CPB2: variants seen among roughly 807,000 people sequenced by gnomAD.
The protein encoded by CPB2 is carboxypeptidase B2, also known as carboxypeptidase B-like protein.
CPB2 carries 54 observed loss-of-function variants against 57.0 expected under a neutral mutation model. The ratio of observed to expected loss-of-function variants is 0.95; its 90% confidence interval spans 0.76 to 1.19. The LOEUF is 1.19. Among genes scored for constraint, CPB2 ranks in the 50% most tolerant of loss-of-function variants. The pLI is 0.00. For synonymous variants in CPB2, 189 were observed against 178.1 expected (o/e 1.06, Z -0.49); for missense variants, 426 against 512.0 (o/e 0.83, Z 1.62).
intron 1 of CPB2, among the ~76,000 whole-genome samples, chr13:46,104,414 T>C (rs2045470121): frequency 6.6e-6 from 1 of 152,232 alleles, no homozygotes; most frequent in African/African-American, 2.4e-5. Context: ...CCTAAGGGAA[T>C]CTACTAAGCA....
chr13:46,101,287 C>G (rs767650301), intron 1 of CPB2: 4 of 152,098 alleles, frequency 2.6e-5, no homozygotes, highest in Non-Finnish European at 5.9e-5. Flanking sequence ...GAACTTCTTT[C>G]GTTTTTGAGG....
chr13:46,073,649 T>C (rs889563836), intron 6 of CPB2: 2 of 211,524 alleles, frequency 9.5e-6, no homozygotes, highest in Non-Finnish European at 1.6e-5. Flanking sequence ...GGCAGAAATG[T>C]AGAAAAGACC....
intron 9 of CPB2, among the ~76,000 whole-genome samples, chr13:46,057,263 C>T (rs2044709619): frequency 6.6e-6 from 1 of 151,904 alleles, no homozygotes; most frequent in South Asian, 2.1e-4. Context: ...AACAGTTTTC[C>T]CTTGAGAAGA....
intron 4 of CPB2, among the ~76,000 whole-genome samples, chr13:46,079,535 C>CAAAA (rs58164990): frequency 4.9e-4 from 54 of 110,922 alleles, no homozygotes; most frequent in Non-Finnish European, 6.1e-4. Flanking sequence ...AAGGAAAAAG[C>CAAAA]AAAAAAAAAA....
At chr13:46,104,231 G>A (rs1222863786) in intron 1 of CPB2, among the ~76,000 whole-genome samples, 1 of 152,126 alleles carries the variant, frequency 6.6e-6, no homozygotes, top group African/African-American at 2.4e-5. Context: ...AGCGATCATA[G>A]AACCAAAACA....
At chr13:46,080,817 A>G (rs2045101103) in intron 4 of CPB2, among the ~76,000 whole-genome samples, 1 of 151,974 alleles carries the variant, frequency 6.6e-6, no homozygotes, top group Admixed American at 6.6e-5. Flanking sequence ...CTAAAAATAC[A>G]AAAAATTAGC....
intron 2 of CPB2, among the ~76,000 whole-genome samples, chr13:46,087,284 G>A (rs911174051): frequency 7.9e-5 from 12 of 152,214 alleles, no homozygotes; most frequent in African/African-American, 2.9e-4. Flanking sequence ...CGTGCCTCCC[G>A]CATGGCAGCA....
chr13:46,084,481 C>A, intron 2 of CPB2, 138 bp from the exon 3 acceptor site: 1 of 775,864 alleles, frequency 1.3e-6, no homozygotes, highest in African/African-American at 1.8e-5. Flanking sequence ...CATCCACACA[C>A]ATGGTAATAT....
chr13:46,089,212 A>G (rs1239198515), intron 1 of CPB2, among the ~76,000 whole-genome samples: 1 of 151,708 alleles, frequency 6.6e-6, no homozygotes, highest in African/African-American at 2.4e-5. Context: ...TATTTTTCCC[A>G]GGGATCCACT....
At chr13:46,064,782 G>A (rs73482709) in intron 7 of CPB2, 41 bp from the exon 8 acceptor site, 15 of 1,512,458 alleles carry the variant, frequency 9.9e-6, no homozygotes, top group African/African-American at 5.5e-5. Context: ...GGGTAGCCAC[G>A]TTCAAGGCCT....
chr13:46,075,152 G>A (rs2045003069), intron 5 of CPB2, among the ~76,000 whole-genome samples: 1 of 152,194 alleles, frequency 6.6e-6, no homozygotes, highest in Non-Finnish European at 1.5e-5. Flanking sequence ...ATTGTCATTT[G>A]AACCACTCCA....
intron 8 of CPB2, among the ~76,000 whole-genome samples, chr13:46,061,588 A>C (rs1204211668): frequency 6.6e-6 from 1 of 152,222 alleles, no homozygotes; most frequent in Non-Finnish European, 1.5e-5. Context: ...GAGAGAAGGC[A>C]GCCATCTACA....
intron 2 of CPB2, among the ~76,000 whole-genome samples, chr13:46,084,950 T>A (rs1451212674): frequency 6.6e-6 from 1 of 151,786 alleles, no homozygotes; most frequent in African/African-American, 2.4e-5. Flanking sequence ...TCCCGAGTTC[T>A]CGCCATTCTC....
chr13:46,093,160 G>A (rs534449570), intron 1 of CPB2, among the ~76,000 whole-genome samples: 10 of 152,220 alleles, frequency 6.6e-5, no homozygotes, highest in South Asian at 4.1e-4. Flanking sequence ...CAATCCACCC[G>A]CCTCAGCCTC....
Position 46,058,184 on chromosome 13 carries a change from C to A in CPB2, c.994G>T (p.Glu332Ter). The change falls in exon 9 of 11, where the codon GAA (glutamate) becomes TAA (stop). Residue 332 changes from glutamate (E) to a stop codon, truncating the protein, a stop_gained. Coordinates refer to ENST00000181383, the MANE Select transcript of CPB2 (RefSeq NM_001872.5). LOFTEE classifies it high-confidence loss of function. ...AATAATTAAGTAGCACTTACCAGTT[C>A]CTCATGGTCTTTGCTTTTACTTCGT... ...YTRSKSKDHE[E>*]LSLVASEAVR... 6.2e-7 allele frequency: 1 copy of A among 1,609,408 alleles called. No homozygotes were observed. Among genetic ancestry groups the A allele is most frequent in the South Asian group, 1.1e-5 (1 of 90,868 alleles).
At chr13:46,096,331 C>A in intron 1 of CPB2, 1 of 152,860 alleles carries the variant, frequency 6.5e-6, no homozygotes. Context: ...CAGCCCTCTC[C>A]CCATTTCTTG....
chr13:46,067,564 C>T, intron 6 of CPB2, 147 bp from the exon 7 acceptor site: 1 of 566,680 alleles, frequency 1.8e-6, no homozygotes, highest in Non-Finnish European at 3.1e-6. Flanking sequence ...CTCAAAAGAA[C>T]TGAACTTAGG....
chr13:46,061,626 C>T (rs989909219), intron 8 of CPB2, among the ~76,000 whole-genome samples: 1 of 152,168 alleles, frequency 6.6e-6, no homozygotes, highest in Admixed American at 6.5e-5. Context: ...TCAGGAAGAC[C>T]TCACTCTGCT....
At chr13:46,102,540 C>CAAAAAAAAAAAA (rs10624204) in intron 1 of CPB2, among the ~76,000 whole-genome samples, 1 of 108,196 alleles carries the variant, frequency 9.2e-6, no homozygotes, top group Non-Finnish European at 1.8e-5. Context: ...ATGATTATGA[C>CAAAAAAAAAAAA]AAAAAAAAAA....
Sources: allele counts gnomAD v4.1 joint callset (sites outside exome capture counted in the v4.1 genomes callset), GRCh38; gene constraint gnomAD v4.1.1; transcripts MANE v1.5; gene names NCBI Gene and HGNC (gene_info 2026-07-23, HGNC 2026-07-21).